DIP2C: variants seen among roughly 807,000 people sequenced by gnomAD.
The protein encoded by DIP2C is DIP2 acetate--CoA ligase C (putative), also known as disco-interacting protein 2 homolog C.
Under a neutral mutation model 192.4 loss-of-function variants are expected in DIP2C, and 33 were observed. The ratio of observed to expected loss-of-function variants is 0.17; its 90% confidence interval spans 0.13 to 0.23. The LOEUF (loss-of-function observed/expected upper bound fraction) is 0.23, where lower values mean the gene tolerates loss of function less well. Among genes scored for constraint, DIP2C ranks in the 10% least tolerant of loss-of-function variants. The pLI is 1.00. For missense variants in DIP2C, 1,537 were observed against 2,110.1 expected (o/e 0.73, Z 5.32); for synonymous variants, 979 against 864.1 (o/e 1.13, Z -2.33).
rs1409872244 is a variant in DIP2C at position 651,844 on chromosome 10, G to A, written c.85+37650C>T. ...GATGGTGTGGGGCGAAACCAATGGG[G>A]AAACTACAAAAGAAACCACCTGCTA... On this transcript the variant is annotated intron_variant, in intron 1 of 36. Coordinates refer to ENST00000280886, the MANE Select transcript of DIP2C (RefSeq NM_014974.3). This position sits in a 1 kb window ranked among gnomAD's most constrained non-coding sequence, Gnocchi z 4.1. 4.6e-6 allele frequency: 1 copy of A among 215,082 alleles called. No homozygotes were observed. Among genetic ancestry groups the A allele is most frequent in the Admixed American group, 5.3e-5 (1 of 18,806 alleles). The allele number at this position is 215,082 out of a possible 1,614,324, so 13.3% of individuals were successfully genotyped here.
chr10:556,393 C>A (rs554211508), intron 1 of DIP2C, among the ~76,000 whole-genome samples: 37 of 115,766 alleles, frequency 3.2e-4, no homozygotes, highest in African/African-American at 1.3e-3. Context: ...GGCCCCGCTG[C>A]GCACACCACC....
intron 1 of DIP2C, among the ~76,000 whole-genome samples, chr10:603,335 C>CAAAAAAAA (rs1209146510): frequency 3.7e-5 from 3 of 80,402 alleles, no homozygotes; most frequent in African/African-American, 2.3e-4. Flanking sequence ...AAAAAAAAAC[C>CAAAAAAAA]AACCATGAGA....
chr10:423,789 G>C (rs1412014886), intron 4 of DIP2C, among the ~76,000 whole-genome samples: 1 of 152,130 alleles, frequency 6.6e-6, no homozygotes, highest in South Asian at 2.1e-4. Flanking sequence ...TAACAGGAGA[G>C]AAAGCAGAAC....
intron 1 of DIP2C, among the ~76,000 whole-genome samples, chr10:519,771 T>C (rs1178886524): frequency 6.6e-6 from 1 of 152,218 alleles, no homozygotes; most frequent in Non-Finnish European, 1.5e-5. Flanking sequence ...GCATGTCTAG[T>C]TACAAACGGA....
At chr10:408,163 G>C (rs184034904) in intron 9 of DIP2C, among the ~76,000 whole-genome samples, 1 of 152,122 alleles carries the variant, frequency 6.6e-6, no homozygotes. Flanking sequence ...TCTTGCAGGT[G>C]GATGTCCAGT....
At chr10:281,106 A>C in intron 36 of DIP2C, 94 bp downstream of exon 36, 1 of 1,549,092 alleles carries the variant, frequency 6.5e-7, no homozygotes, top group Non-Finnish European at 8.8e-7. Flanking sequence ...CCCTACCTTA[A>C]CAAAACTCTC....
At position 576,093 on chromosome 10, in the gene DIP2C, C is replaced by T. The variant is rs189451714; in HGVS notation, c.86-89563G>A. On this transcript the variant is annotated intron_variant, in intron 1 of 36. Coordinates refer to ENST00000280886, the MANE Select transcript of DIP2C (RefSeq NM_014974.3). ...GGGAGAAGCAAATGCAGAGTTCACA[C>T]GCTCCTGTACGGGTTTGCTGACCAA... Among the ~76,000 whole-genome samples, 78 of 152,336 alleles carry T rather than the reference C, an allele frequency of 5.1e-4. 1 individual carries two copies. The highest frequency in any genetic ancestry group is 2.9e-5 in the Non-Finnish European group (2 of 68,028).
intron 1 of DIP2C, among the ~76,000 whole-genome samples, chr10:600,896 G>C (rs376007807): frequency 8.3e-6 from 1 of 120,358 alleles, no homozygotes; most frequent in East Asian, 2.1e-4. Flanking sequence ...GGATAATTAA[G>C]TTGAACTTAG....
At chr10:311,156 A>G (rs1956549251) in intron 31 of DIP2C, among the ~76,000 whole-genome samples, 1 of 152,170 alleles carries the variant, frequency 6.6e-6, no homozygotes, top group South Asian at 2.1e-4. Flanking sequence ...TCCCAGTGAC[A>G]GCTCTACCCC....
intron 1 of DIP2C, among the ~76,000 whole-genome samples, chr10:603,830 G>A (rs770505211): frequency 6.6e-5 from 10 of 152,192 alleles, no homozygotes; most frequent in Non-Finnish European, 1.2e-4. Flanking sequence ...TCAGTAGGCT[G>A]CATTCCTGCC....
rs182569160 is a variant in DIP2C, at chr10:353,257, T to C, written c.2985+3169A>G. Among the ~76,000 whole-genome samples, 3 of 152,140 alleles carry C rather than the reference T, an allele frequency of 2.0e-5. No individual in the cohort carries two copies. In the East Asian group the frequency reaches 5.8e-4, roughly 29 times the overall value. ...GTAAACTTGGGACCATTTTAACGTT[T>C]CACATTAAATCAAACAACTTGGGGG... is the stretch of plus-strand genomic sequence containing the variant. On this transcript the variant is annotated intron_variant, in intron 24 of 36. Coordinates refer to ENST00000280886, the MANE Select transcript of DIP2C (RefSeq NM_014974.3).
intron 32 of DIP2C, among the ~76,000 whole-genome samples, chr10:304,616 A>T (rs905918839): frequency 6.6e-6 from 1 of 152,208 alleles, no homozygotes; most frequent in Non-Finnish European, 1.5e-5. Context: ...ACAACTCCAC[A>T]TACAAAATAC....
At chr10:326,335 G>A (rs912792165) in intron 31 of DIP2C, among the ~76,000 whole-genome samples, 8 of 152,120 alleles carry the variant, frequency 5.3e-5, no homozygotes, top group African/African-American at 1.9e-4. Context: ...GGAGCCTTCG[G>A]AGGCTCACCC....
At position 474,555 on chromosome 10, in the gene DIP2C, CG is replaced by C. The variant is rs372203272; in HGVS notation, c.158-2007del. Among the ~76,000 whole-genome samples, 449 of 63,572 alleles carry C rather than the reference CG, an allele frequency of 7.1e-3. 2 individuals carry two copies. Among genetic ancestry groups the C allele is most frequent in the East Asian group, 0.022 (32 of 1,476 alleles). The allele number at this position is 63,572 out of a possible 152,430, so 41.7% of individuals were successfully genotyped here. On this transcript the variant is annotated intron_variant, in intron 2 of 36. Coordinates refer to ENST00000280886, the MANE Select transcript of DIP2C (RefSeq NM_014974.3). ...CGTCACTGGGCCACGCCTTTCTTCC[CG>C]CTGGCTGTGGCTGCTGTGTTGGTCA...
rs1415526553 is a variant in DIP2C at position 447,162 on chromosome 10, CACTCACCCCT to C, written c.269-6176_269-6167del. ...TCACACACAGTGGGGCAGCAGGACC[CACTCACCCCT>C]GTCGATACTCAGGATCACACACAGT... On this transcript the variant is annotated intron_variant, in intron 3 of 36. Transcript: ENST00000280886. Among the ~76,000 whole-genome samples the C allele has an allele frequency of 1.8e-3, 275 of 151,700 alleles. 4 individuals carry two copies. Among genetic ancestry groups the C allele is most frequent in the East Asian group, 0.011 (58 of 5,166 alleles).
intron 1 of DIP2C, among the ~76,000 whole-genome samples, chr10:526,735 ATT>A (rs376637294): frequency 1.8e-4 from 27 of 152,314 alleles, no homozygotes; most frequent in African/African-American, 6.5e-4. Context: ...TCCGGAAGGC[ATT>A]TGTGTCATGT....
chr10:500,534 C>T (rs1845150805), intron 1 of DIP2C, among the ~76,000 whole-genome samples: 1 of 152,230 alleles, frequency 6.6e-6, no homozygotes, highest in African/African-American at 2.4e-5. Flanking sequence ...CCTCATTCAT[C>T]CCCCAAATAT....
chr10:482,717 A>C (rs957524482), intron 2 of DIP2C, among the ~76,000 whole-genome samples: 11 of 152,162 alleles, frequency 7.2e-5, no homozygotes, highest in African/African-American at 2.2e-4. Context: ...TTACTCTCTA[A>C]ATCTCCACGG....
chr10:560,521 A>G (rs1849151959), intron 1 of DIP2C, among the ~76,000 whole-genome samples: 1 of 152,224 alleles, frequency 6.6e-6, no homozygotes, highest in South Asian at 2.1e-4. Flanking sequence ...CAGTTCTCCC[A>G]AGTCCATTGT....
Sources: gnomAD v4.1 joint callset for allele counts (sites outside exome capture counted in the v4.1 genomes callset) on GRCh38, gnomAD v4.1.1 for gene constraint, Gnocchi (gnomAD v3.1) non-coding constraint, MANE v1.5 for transcripts, NCBI Gene and HGNC (gene_info 2026-07-23, HGNC 2026-07-21) for gene names.